ADCY8: variants seen among roughly 807,000 people sequenced by gnomAD.
The protein encoded by ADCY8 is adenylate cyclase type 8.
A neutral mutation model predicts 119.7 loss-of-function variants in ADCY8; 51 were observed. The observed-to-expected ratio is 0.43, with a 90% CI of 0.34 to 0.54. The LOEUF is 0.54. Ranked by LOEUF, ADCY8 falls within the 20% of genes least tolerant of loss-of-function variation. The probability of loss-of-function intolerance (pLI) is 0.03; values close to 1 mark genes in which losing one functional copy is unlikely to be tolerated. For synonymous variants in ADCY8, 665 were observed against 651.0 expected (o/e 1.02, Z -0.33); for missense variants, 1,383 against 1,598.8 (o/e 0.87, Z 2.30).
intron 1 of ADCY8, among the ~76,000 whole-genome samples, chr8:131,009,686 G>T (rs988298696): frequency 6.6e-6 from 1 of 152,248 alleles, no homozygotes; most frequent in African/African-American, 2.4e-5. Context: ...ACTATACTAT[G>T]CTGTAAAGAT....
intron 1 of ADCY8, among the ~76,000 whole-genome samples, chr8:131,006,770 A>T (rs1291164273): frequency 6.6e-6 from 1 of 152,164 alleles, no homozygotes; most frequent in Non-Finnish European, 1.5e-5. Context: ...TTAGATCTCC[A>T]TGAGAAATGT....
At chr8:130,894,370 C>T (rs11784445) in intron 7 of ADCY8, among the ~76,000 whole-genome samples, 71,748 of 151,960 alleles carry the variant, frequency 0.47, 18,463 homozygotes, top group East Asian at 0.63. Flanking sequence ...TATTATCCCG[C>T]GTGTTTATTT....
At chr8:130,816,264 G>A (rs4736707) in intron 13 of ADCY8, among the ~76,000 whole-genome samples, 36,028 of 151,884 alleles carry the variant, frequency 0.24, 4,373 homozygotes, top group East Asian at 0.26. Context: ...CATTGAACAT[G>A]ATGCAGCTAT....
chr8:131,014,499 A>G (rs1823407651), intron 1 of ADCY8, among the ~76,000 whole-genome samples: 1 of 151,958 alleles, frequency 6.6e-6, no homozygotes, highest in East Asian at 1.9e-4. Context: ...TAATTCTGCC[A>G]CTTAACACAG....
intron 5 of ADCY8, among the ~76,000 whole-genome samples, chr8:130,924,948 C>A (rs1820417063): frequency 6.6e-6 from 1 of 151,900 alleles, no homozygotes; most frequent in Non-Finnish European, 1.5e-5. Flanking sequence ...GTGGCTCACA[C>A]CTGTAATCCC....
chr8:130,940,239 T>C (rs763544384), intron 4 of ADCY8, among the ~76,000 whole-genome samples: 14 of 152,256 alleles, frequency 9.2e-5, no homozygotes, highest in Non-Finnish European at 2.1e-4. Flanking sequence ...TTTGTCTGAT[T>C]GTGGGGCTCC....
intron 1 of ADCY8, among the ~76,000 whole-genome samples, chr8:130,996,246 A>G (rs565503801): frequency 4.6e-5 from 7 of 152,258 alleles, no homozygotes; most frequent in Admixed American, 2.6e-4. Flanking sequence ...ATATGTAACT[A>G]TATATATGCA....
At chr8:130,784,919 T>C (rs1815204084) in intron 16 of ADCY8, among the ~76,000 whole-genome samples, 1 of 152,202 alleles carries the variant, frequency 6.6e-6, no homozygotes. Flanking sequence ...TGACATTATC[T>C]GAGATAATTC....
chr8:130,938,512 G>A (rs933992416), intron 4 of ADCY8, among the ~76,000 whole-genome samples: 8 of 152,064 alleles, frequency 5.3e-5, no homozygotes, highest in African/African-American at 1.9e-4. Context: ...TGTGGGAAAA[G>A]GAGGGCCCCA....
chr8:131,006,422 T>C (rs1823120006), intron 1 of ADCY8, among the ~76,000 whole-genome samples: 1 of 152,198 alleles, frequency 6.6e-6, no homozygotes, highest in African/African-American at 2.4e-5. Flanking sequence ...GAAAAAATCA[T>C]ATGCCCTTAT....
chr8:130,787,067 A>T (rs1586410690), intron 15 of ADCY8, among the ~76,000 whole-genome samples: 1 of 152,144 alleles, frequency 6.6e-6, no homozygotes, highest in Non-Finnish European at 1.5e-5. Context: ...GAAGGAAAAG[A>T]GCTGAGAGAG....
chr8:130,934,886 C>G (rs1820738409), intron 5 of ADCY8, among the ~76,000 whole-genome samples: 2 of 152,100 alleles, frequency 1.3e-5, no homozygotes, highest in African/African-American at 4.8e-5. Flanking sequence ...AGAAAAGTAC[C>G]ATAAATTCTC....
At chr8:131,037,747 G>A (rs117408031) in intron 1 of ADCY8, among the ~76,000 whole-genome samples, 2,200 of 152,128 alleles carry the variant, frequency 0.014, 31 homozygotes, top group Non-Finnish European at 0.02. Context: ...GAGAATGAGA[G>A]AGCTTGGAAG....
chr8:131,009,810 G>A (rs187984365), intron 1 of ADCY8, among the ~76,000 whole-genome samples: 22 of 152,266 alleles, frequency 1.4e-4, no homozygotes, highest in Admixed American at 1.2e-3. Flanking sequence ...GCAAGGATGG[G>A]GAAAGTGTTT....
At chr8:130,808,386 A>G (rs1383838205) in intron 14 of ADCY8, among the ~76,000 whole-genome samples, 1 of 152,224 alleles carries the variant, frequency 6.6e-6, no homozygotes. Context: ...ACATATATAA[A>G]AAACAATAGC....
chr8:130,953,603 A>G (rs752700093), intron 2 of ADCY8, among the ~76,000 whole-genome samples: 7 of 152,042 alleles, frequency 4.6e-5, no homozygotes, highest in South Asian at 4.2e-4. Context: ...TTAGATTCCA[A>G]CTCTATCATT....
At chr8:131,004,198 G>T (rs192923471) in intron 1 of ADCY8, among the ~76,000 whole-genome samples, 2 of 152,172 alleles carry the variant, frequency 1.3e-5, no homozygotes, top group African/African-American at 4.8e-5. Flanking sequence ...AACAGGCAAA[G>T]TAAGTAGGTA....
At chr8:130,964,944 A>C (rs1455934534) in intron 2 of ADCY8, among the ~76,000 whole-genome samples, 1 of 152,060 alleles carries the variant, frequency 6.6e-6, no homozygotes, top group African/African-American at 2.4e-5. Context: ...GCATTTTTTC[A>C]TAGGTTTGTT....
chr8:130,973,814 T>C (rs906691048), intron 2 of ADCY8, among the ~76,000 whole-genome samples: 2 of 152,134 alleles, frequency 1.3e-5, no homozygotes, highest in Non-Finnish European at 2.9e-5. Flanking sequence ...AGCTACTCAA[T>C]GGAGCAAAAA....
Sources: gnomAD v4.1 joint callset for allele counts (sites outside exome capture counted in the v4.1 genomes callset) on GRCh38, gnomAD v4.1.1 for gene constraint, MANE v1.5 for transcripts, NCBI Gene and HGNC (gene_info 2026-07-23, HGNC 2026-07-21) for gene names.